MEIS2: variants seen among roughly 807,000 people sequenced by gnomAD.
MEIS2 encodes the protein homeobox protein Meis2.
In MEIS2, 9 loss-of-function variants were observed where a neutral mutation model predicts 58.6. That is an observed-to-expected ratio of 0.15 (90% confidence interval 0.09 to 0.27). The LOEUF (loss-of-function observed/expected upper bound fraction) is 0.27. Ranked by LOEUF, MEIS2 falls within the 10% of genes least tolerant of loss-of-function variation. The pLI is 1.00. For synonymous variants in MEIS2, 221 were observed against 228.4 expected (o/e 0.97, Z 0.29); for missense variants, 427 against 635.0 (o/e 0.67, Z 3.52).
intron 8 of MEIS2, among the ~76,000 whole-genome samples, chr15:37,002,169 G>A (rs1256887192): frequency 6.6e-6 from 1 of 151,952 alleles, no homozygotes; most frequent in Non-Finnish European, 1.5e-5. Context: ...TGTTGCTCAG[G>A]CAGCCTTATC....
chr15:36,989,746 T>C (rs1205246588), intron 8 of MEIS2, among the ~76,000 whole-genome samples: 1 of 152,210 alleles, frequency 6.6e-6, no homozygotes, highest in Non-Finnish European at 1.5e-5. Flanking sequence ...TTTCACATAA[T>C]GGAATAGCTT....
At chr15:36,971,155 A>T (rs2059543426) in intron 8 of MEIS2, among the ~76,000 whole-genome samples, 1 of 152,048 alleles carries the variant, frequency 6.6e-6, no homozygotes, top group African/African-American at 2.4e-5. Context: ...TAGTAACAGG[A>T]AAAAGGAATA....
intron 8 of MEIS2, among the ~76,000 whole-genome samples, chr15:36,990,235 G>A (rs531460488): frequency 6.6e-5 from 10 of 152,050 alleles, no homozygotes; most frequent in East Asian, 3.9e-4. Flanking sequence ...ATGAGCCACC[G>A]CGCCCGGCCT....
At chr15:36,985,744 T>C (rs142119756) in intron 8 of MEIS2, among the ~76,000 whole-genome samples, 6 of 152,156 alleles carry the variant, frequency 3.9e-5, no homozygotes, top group Non-Finnish European at 8.8e-5. Context: ...AAGGTCACAG[T>C]TGAAGTGTCG....
At chr15:36,915,629 A>C (rs2057243665) in intron 9 of MEIS2, among the ~76,000 whole-genome samples, 1 of 152,176 alleles carries the variant, frequency 6.6e-6, no homozygotes, top group Non-Finnish European at 1.5e-5. Flanking sequence ...TCAGCTGCTC[A>C]GTGCCCAACC....
At chr15:36,962,234 T>C (rs1362896776) in intron 8 of MEIS2, among the ~76,000 whole-genome samples, 3 of 152,198 alleles carry the variant, frequency 2.0e-5, no homozygotes, top group African/African-American at 7.2e-5. Context: ...AGAACTTAAG[T>C]TTGACCCATA....
At chr15:36,919,539 T>A (rs2057411902) in intron 9 of MEIS2, among the ~76,000 whole-genome samples, 1 of 148,394 alleles carries the variant, frequency 6.7e-6, no homozygotes, top group African/African-American at 2.5e-5. Context: ...ATTGCGCCAC[T>A]GCACTCTAGC....
chr15:36,904,015 A>T (rs2056604210), intron 9 of MEIS2: 1 of 152,228 alleles, frequency 6.6e-6, no homozygotes, highest in African/African-American at 2.4e-5. Context: ...ATTCTCCCAT[A>T]CAGTCTAGCA....
chr15:37,098,406 GA>G, intron 1 of MEIS2: 1 of 1,212,486 alleles, frequency 8.2e-7, no homozygotes, highest in Non-Finnish European at 1.0e-6. Flanking sequence ...GAGAGAGAGA[GA>G]GAGAGAGAGA....
At chr15:36,977,637 C>A (rs2059801684) in intron 8 of MEIS2, among the ~76,000 whole-genome samples, 1 of 152,104 alleles carries the variant, frequency 6.6e-6, no homozygotes, top group African/African-American at 2.4e-5. Flanking sequence ...TAATAAATAT[C>A]AATAAATATT....
At chr15:36,970,074 T>C (rs930307844) in intron 8 of MEIS2, among the ~76,000 whole-genome samples, 38 of 151,128 alleles carry the variant, frequency 2.5e-4, no homozygotes, top group African/African-American at 9.2e-4. Context: ...GAATGCCTGG[T>C]TAAAATGCTC....
At chr15:36,901,881 T>C (rs1276497290) in intron 9 of MEIS2, among the ~76,000 whole-genome samples, 2 of 152,202 alleles carry the variant, frequency 1.3e-5, no homozygotes, top group East Asian at 3.9e-4. Flanking sequence ...TCCTGGAGGT[T>C]CTTTACTAAA....
chr15:37,084,755 G>A (rs146905260), intron 6 of MEIS2, among the ~76,000 whole-genome samples: 48 of 152,220 alleles, frequency 3.2e-4, no homozygotes, highest in African/African-American at 1.1e-3. Context: ...CATTCCCAAT[G>A]CCCTGCTGTT....
At chr15:37,031,818 T>C (rs1467605914) in intron 8 of MEIS2, among the ~76,000 whole-genome samples, 1 of 92,252 alleles carries the variant, frequency 1.1e-5, no homozygotes. Flanking sequence ...CATCACTTTG[T>C]GTGTGTGTGT....
intron 7 of MEIS2, among the ~76,000 whole-genome samples, chr15:37,039,210 G>C (rs1437065217): frequency 6.6e-6 from 1 of 152,212 alleles, no homozygotes; most frequent in Non-Finnish European, 1.5e-5. Context: ...AGATATCTTT[G>C]TGTGTAATAT....
intron 6 of MEIS2, among the ~76,000 whole-genome samples, chr15:37,086,385 G>C (rs1892883477): frequency 6.6e-6 from 1 of 152,156 alleles, no homozygotes; most frequent in Admixed American, 6.6e-5. Context: ...TTATAATTCA[G>C]TGTATTTCTT....
intron 7 of MEIS2, among the ~76,000 whole-genome samples, chr15:37,047,308 T>C (rs1237798438): frequency 6.6e-6 from 1 of 152,176 alleles, no homozygotes; most frequent in Non-Finnish European, 1.5e-5. Flanking sequence ...TTTTTAATGT[T>C]CTGTTCACCT....
Position 37,099,737 on chromosome 15 carries a change from C to A in MEIS2, c.-271G>T. Reference sequence around the variant, plus strand: ...TCCTCCTCCTCCACCTCCTCCTCCTCCCCCCTCCCCTCCTCCTCCTCTTCG... The same window carrying A: ...TCCTCCTCCTCCACCTCCTCCTCCTACCCCCTCCCCTCCTCCTCCTCTTCG... On this transcript the variant is annotated 5_prime_UTR_variant, in exon 1 of 12. Transcript: ENST00000561208. 2.5e-6 allele frequency: 1 copy of A among 397,568 alleles called. No individual in the cohort carries two copies. Among genetic ancestry groups the A allele is most frequent in the Non-Finnish European group, 4.5e-6 (1 of 223,676 alleles). The allele number at this position is 397,568 out of a possible 1,614,324, so 24.6% of individuals were successfully genotyped here.
chr15:37,084,377 G>C (rs1287360319), intron 6 of MEIS2, among the ~76,000 whole-genome samples: 1 of 152,128 alleles, frequency 6.6e-6, no homozygotes, highest in Non-Finnish European at 1.5e-5. Flanking sequence ...GTATGGGACA[G>C]CCCTTGACAT....
Sources: allele counts gnomAD v4.1 joint callset (sites outside exome capture counted in the v4.1 genomes callset), GRCh38; gene constraint gnomAD v4.1.1; transcripts MANE v1.5; gene names NCBI Gene and HGNC (gene_info 2026-07-23, HGNC 2026-07-21).